Variants in SPTLC3 observed in about 807,000 individuals in gnomAD.
The protein encoded by SPTLC3 is serine palmitoyltransferase 3.
SPTLC3 carries 36 observed loss-of-function variants against 59.3 expected under a neutral mutation model. The observed-to-expected ratio is 0.61, with a 90% confidence interval of 0.47 to 0.80. The LOEUF (loss-of-function observed/expected upper bound fraction) is 0.80, where lower values mean the gene tolerates loss of function less well. Among genes scored for constraint, SPTLC3 ranks in the 30% least tolerant of loss-of-function variants. SPTLC3 has a pLI of 0.00. For missense variants in SPTLC3, 625 were observed against 685.1 expected (o/e 0.91, Z 0.98); for synonymous variants, 257 against 240.8 (o/e 1.07, Z -0.62).
chr20:13,093,683 A>C (rs41392045), intron 6 of SPTLC3, 106 bp downstream of exon 6: 58,302 of 939,862 alleles, frequency 0.062, 2,032 homozygotes, highest in Middle Eastern at 0.11. Flanking sequence ...ACGTAGCCTC[A>C]TGAAACACAA....
At chr20:13,124,116 C>T (rs1387846094) in intron 8 of SPTLC3, among the ~76,000 whole-genome samples, 2 of 152,270 alleles carry the variant, frequency 1.3e-5, no homozygotes, top group East Asian at 3.9e-4. Context: ...ATGGGGAAAA[C>T]CCACCCAGCT....
intron 4 of SPTLC3, among the ~76,000 whole-genome samples, chr20:13,088,227 T>C (rs1989071437): frequency 6.6e-6 from 1 of 152,264 alleles, no homozygotes; most frequent in African/African-American, 2.4e-5. Context: ...TCTTTGATAA[T>C]ACAAAGTTTG....
At chr20:13,099,820 A>G (rs1279897599) in intron 6 of SPTLC3, among the ~76,000 whole-genome samples, 2 of 152,210 alleles carry the variant, frequency 1.3e-5, no homozygotes, top group Non-Finnish European at 2.9e-5. Flanking sequence ...CACAGATTGG[A>G]CTGATAATAC....
intron 9 of SPTLC3, among the ~76,000 whole-genome samples, chr20:13,134,153 C>T (rs549325748): frequency 7.9e-5 from 12 of 152,312 alleles, no homozygotes; most frequent in African/African-American, 2.6e-4. Flanking sequence ...CAGTTCCTGA[C>T]ACATCATAGG....
intron 2 of SPTLC3, chr20:13,049,832 T>C (rs4813108): frequency 0.99 from 149,568 of 150,610 alleles, 74,268 homozygotes; most frequent in South Asian, 1. Flanking sequence ...CGGTGGGTGG[T>C]GAGACCCAGA....
At chr20:13,033,229 G>A (rs79183801) in intron 1 of SPTLC3, among the ~76,000 whole-genome samples, 8,381 of 152,192 alleles carry the variant, frequency 0.055, 268 homozygotes, top group South Asian at 0.083. Flanking sequence ...GATAGTATGT[G>A]TGTATTAAGG....
At chr20:13,074,250 T>C (rs938765923) in intron 3 of SPTLC3, 99 bp from the exon 4 acceptor site, 1 of 1,497,616 alleles carries the variant, frequency 6.7e-7, no homozygotes, top group Non-Finnish European at 9.2e-7. Flanking sequence ...CCTCATCCTC[T>C]TTTTCTTCAT....
chr20:13,045,512 T>TAAAAGA (rs1600228034), intron 1 of SPTLC3, among the ~76,000 whole-genome samples: 1 of 152,156 alleles, frequency 6.6e-6, no homozygotes, highest in East Asian at 1.9e-4. Context: ...CAATTATAAG[T>TAAAAGA]AAAAGAATAT....
At chr20:13,023,012 T>C (rs1050169832) in intron 1 of SPTLC3, among the ~76,000 whole-genome samples, 1 of 152,128 alleles carries the variant, frequency 6.6e-6, no homozygotes. Flanking sequence ...TCACTGTTCC[T>C]GGAGCCAGCC....
chr20:13,106,523 C>A (rs575351578), intron 6 of SPTLC3, among the ~76,000 whole-genome samples: 1 of 152,234 alleles, frequency 6.6e-6, no homozygotes, highest in East Asian at 1.9e-4. Context: ...GGAAAAAAAG[C>A]ATGGAGGAGA....
intron 1 of SPTLC3, among the ~76,000 whole-genome samples, chr20:13,043,306 G>T (rs1235179183): frequency 6.6e-6 from 1 of 152,152 alleles, no homozygotes; most frequent in Non-Finnish European, 1.5e-5. Flanking sequence ...TGCCCTTGTA[G>T]ATCAACTAAG....
intron 7 of SPTLC3, among the ~76,000 whole-genome samples, chr20:13,111,350 T>C (rs975954483): frequency 6.6e-6 from 1 of 152,170 alleles, no homozygotes; most frequent in African/African-American, 2.4e-5. Flanking sequence ...GGTGAGCTTG[T>C]CCTTGCCCCA....
At chr20:13,016,638 C>T (rs1036613680) in intron 1 of SPTLC3, among the ~76,000 whole-genome samples, 1 of 152,082 alleles carries the variant, frequency 6.6e-6, no homozygotes, top group Admixed American at 6.6e-5. Flanking sequence ...GCTTAGAGAC[C>T]TTTATTTAAC....
chr20:13,134,695 G>A (rs2122846057), intron 9 of SPTLC3, among the ~76,000 whole-genome samples: 1 of 152,244 alleles, frequency 6.6e-6, no homozygotes, highest in South Asian at 2.1e-4. Context: ...ACAGATCTGT[G>A]CAGTGGGAGA....
intron 9 of SPTLC3, among the ~76,000 whole-genome samples, chr20:13,135,628 TGA>T (rs1457755516): frequency 2.0e-5 from 3 of 152,230 alleles, no homozygotes; most frequent in Admixed American, 2.0e-4. Context: ...CCCACTTATC[TGA>T]AGATCTAAAC....
chr20:13,052,694 A>G (rs1987546506), intron 2 of SPTLC3, among the ~76,000 whole-genome samples: 1 of 152,158 alleles, frequency 6.6e-6, no homozygotes, highest in African/African-American at 2.4e-5. Flanking sequence ...GGGACACTCA[A>G]GCTCAGTAGC....
chr20:13,040,367 C>G (rs752112527), intron 1 of SPTLC3, among the ~76,000 whole-genome samples: 1 of 146,566 alleles, frequency 6.8e-6, no homozygotes, highest in African/African-American at 2.5e-5. Context: ...TGTATTTATA[C>G]TTTTTTTTTT....
chr20:13,123,932 G>T (rs749943382), intron 8 of SPTLC3, among the ~76,000 whole-genome samples: 1 of 152,016 alleles, frequency 6.6e-6, no homozygotes, highest in African/African-American at 2.4e-5. Context: ...CCCTGCTGCT[G>T]CTCCTCAGGA....
At chr20:13,032,810 T>G (rs1986557287) in intron 1 of SPTLC3, among the ~76,000 whole-genome samples, 1 of 152,154 alleles carries the variant, frequency 6.6e-6, no homozygotes, top group Non-Finnish European at 1.5e-5. Flanking sequence ...CCTCACTGTT[T>G]TGTTGGCTGA....
Sources: allele counts gnomAD v4.1 joint callset (sites outside exome capture counted in the v4.1 genomes callset), GRCh38; gene constraint gnomAD v4.1.1; transcripts MANE v1.5; gene names NCBI Gene and HGNC (gene_info 2026-07-23, HGNC 2026-07-21).